BSN: variants seen among roughly 807,000 people sequenced by gnomAD.
The protein encoded by BSN is protein bassoon.
Under a neutral mutation model 264.8 loss-of-function variants are expected in BSN, and 57 were observed. The observed-to-expected ratio is 0.22, with a 90% CI of 0.17 to 0.27. The LOEUF (loss-of-function observed/expected upper bound fraction) is 0.27. BSN is among the 10% of genes least tolerant of loss of function. BSN has a pLI of 1.00. For missense variants in BSN, 4,615 were observed against 5,232.5 expected (o/e 0.88, Z 3.64); for synonymous variants, 2,059 against 2,137.3 (o/e 0.96, Z 1.01).
chr3:49,599,705 T>C (rs2052056686), intron 1 of BSN, among the ~76,000 whole-genome samples: 1 of 152,340 alleles, frequency 6.6e-6, no homozygotes, highest in South Asian at 2.1e-4. Flanking sequence ...TCTACTTAAG[T>C]TGTTTTATTG....
At position 49,654,760 on chromosome 3, in the gene BSN, C is replaced by A. The variant is rs181174378; in HGVS notation, c.5204C>A (p.Thr1735Asn). 19 of 1,613,718 alleles carry A rather than the reference C, an allele frequency of 1.2e-5. No individual in the cohort carries two copies. In the East Asian group the frequency reaches 2.5e-4, roughly 21 times the overall value. The change falls in exon 5 of 12, where the codon ACC becomes AAC. Residue 1735 changes from threonine (T) to asparagine (N), a missense_variant. Physicochemically the swap from Thr to Asn is moderately conservative, Grantham distance 65. This residue lies in a region of BSN where 3,415 missense variants were observed against 3,866.4 expected (regional missense o/e 0.88). Transcript: ENST00000296452. The surrounding 1 kb of genome is among the most constrained non-coding windows in gnomAD (Gnocchi z 4.1). ...FLATATTVSITMASSVFMAQQ... is the reference protein window; with the variant it reads ...FLATATTVSINMASSVFMAQQ... The stretch of plus-strand genomic sequence containing the variant: ...GCTACTGCCACCACCGTGAGCATCA[C>A]CATGGCCTCGTCTGTGTTCATGGCT...
chr3:49,583,479 T>C (rs1438908486), intron 1 of BSN, among the ~76,000 whole-genome samples: 1 of 152,160 alleles, frequency 6.6e-6, no homozygotes, highest in Non-Finnish European at 1.5e-5. Context: ...GCACAGTGGC[T>C]CATGCCTCTA....
intron 2 of BSN, among the ~76,000 whole-genome samples, chr3:49,627,940 T>C (rs1370222439): frequency 2.6e-5 from 4 of 152,218 alleles, no homozygotes; most frequent in African/African-American, 9.6e-5. Flanking sequence ...CTGGGTAGTA[T>C]GCCTGGAGCT....
At chr3:49,618,479 C>G (rs1421393965) in intron 1 of BSN, among the ~76,000 whole-genome samples, 1 of 152,166 alleles carries the variant, frequency 6.6e-6, no homozygotes, top group Non-Finnish European at 1.5e-5. Flanking sequence ...TGAAGAGACC[C>G]TAAACATTCC....
intron 1 of BSN, among the ~76,000 whole-genome samples, chr3:49,560,097 T>G (rs2051701102): frequency 6.6e-6 from 1 of 152,206 alleles, no homozygotes; most frequent in Admixed American, 6.5e-5. Flanking sequence ...GTCATGCCTT[T>G]CACCCCAGTG....
chr3:49,600,499 TG>T (rs1012517091), intron 1 of BSN, among the ~76,000 whole-genome samples: 23 of 152,038 alleles, frequency 1.5e-4, no homozygotes, highest in Admixed American at 7.2e-4. Context: ...CCAGGTGCAG[TG>T]GCTTATGCCT....
intron 1 of BSN, among the ~76,000 whole-genome samples, chr3:49,623,358 A>T (rs1368261554): frequency 6.6e-6 from 1 of 152,254 alleles, no homozygotes; most frequent in Non-Finnish European, 1.5e-5. Flanking sequence ...AGAGAATTTC[A>T]GGGAAGCAGT....
chr3:49,587,305 T>G (rs2051944217), intron 1 of BSN, among the ~76,000 whole-genome samples: 1 of 152,246 alleles, frequency 6.6e-6, no homozygotes. Flanking sequence ...CTAATAGTTT[T>G]CTTGTGGCAT....
intron 1 of BSN, among the ~76,000 whole-genome samples, chr3:49,595,181 G>T (rs181199250): frequency 1.3e-5 from 2 of 148,614 alleles, no homozygotes; most frequent in African/African-American, 5.0e-5. Flanking sequence ...GAGCCACTGC[G>T]CCTGGCCACA....
Position 49,661,710 on chromosome 3 carries a change from G to A in BSN, c.9865G>A (p.Glu3289Lys), listed in dbSNP as rs1223187390. The change falls in exon 6 of 12, where the codon GAG (glutamate) becomes AAG (lysine). Residue 3289 changes from glutamate to lysine, a missense_variant. Physicochemically the swap from Glu to Lys is moderately conservative, Grantham distance 56 (BLOSUM62 1). This residue lies in a region of BSN where 3,415 missense variants were observed against 3,866.4 expected (regional missense o/e 0.88). Transcript: ENST00000296452. The part of the protein sequence containing the change: ...TLPCCYARGE[E>K]ESEEDSYDPR... ...GCCCTGCTGCTATGCCAGAGGAGAA[G>A]AGGAATCTGAGGAGGACTCATACGA... The A allele has an allele frequency of 1.9e-6, 3 of 1,613,680 alleles. No individual in the cohort carries two copies. Among genetic ancestry groups the A allele is most frequent in the Non-Finnish European group, 2.5e-6 (3 of 1,180,044 alleles).
intron 2 of BSN, among the ~76,000 whole-genome samples, chr3:49,629,307 C>T (rs1208695549): frequency 6.6e-6 from 1 of 152,194 alleles, no homozygotes; most frequent in Non-Finnish European, 1.5e-5. Context: ...CATGTGGGCC[C>T]GCCACCCCTT....
chr3:49,656,171 A>G lies in BSN; in HGVS notation c.6615A>G (p.Thr2205=). ...YSTINTPIAA[T]LPITTQPASV... is the part of the protein sequence containing the mutation. Reference sequence around the variant, plus strand: ...CTATCAATACCCCAATTGCTGCAACACTGCCCATCACCACCCAGCCTGCCT... The same window carrying G: ...CTATCAATACCCCAATTGCTGCAACGCTGCCCATCACCACCCAGCCTGCCT... Residue 2205 remains threonine (T), a synonymous_variant, in exon 5 of 12, where the codon ACA becomes ACG. Coordinates refer to ENST00000296452, the MANE Select transcript of BSN (RefSeq NM_003458.4). The G allele has an allele frequency of 6.2e-7, 1 of 1,612,746 alleles. No individual in the cohort carries two copies. The highest frequency in any genetic ancestry group is 8.5e-7 in the Non-Finnish European group (1 of 1,179,776).
intron 1 of BSN, among the ~76,000 whole-genome samples, chr3:49,606,443 TACTC>T (rs2052153189): frequency 1.3e-5 from 2 of 149,292 alleles, no homozygotes; most frequent in African/African-American, 5.0e-5. Context: ...GCACCTATCA[TACTC>T]TGAATGAATT....
In BSN at chr3:49,662,930, G is replaced by A. The variant is rs1017713426; in HGVS notation, c.10772G>A (p.Arg3591His). 27 of 1,613,018 alleles carry A rather than the reference G, an allele frequency of 1.7e-5. No homozygotes were observed. Among genetic ancestry groups the A allele is most frequent in the East Asian group, 2.2e-5 (1 of 44,880 alleles). ...TGGTTTGATAAGCCCCGGGATGCCC[G>A]CTCTGACCGGTTCAGGCACCACGGG... is the stretch of plus-strand genomic sequence containing the variant. ...TDWFDKPRDA[R>H]SDRFRHHGGH... Residue 3591 changes from arginine (R) to histidine (H), a missense_variant, in exon 7 of 12, where the codon CGC becomes CAC. Around this residue, in one of 3 missense-constraint regions of BSN, gnomAD observed 3,415 missense variants for 3,866.4 expected, o/e 0.88. Coordinates refer to ENST00000296452, the MANE Select transcript of BSN (RefSeq NM_003458.4).
At chr3:49,632,006 C>T (rs1390197539) in intron 2 of BSN, among the ~76,000 whole-genome samples, 2 of 152,080 alleles carry the variant, frequency 1.3e-5, no homozygotes, top group Non-Finnish European at 2.9e-5. Context: ...GAATACGTAG[C>T]CCAGAAATAA....
intron 1 of BSN, among the ~76,000 whole-genome samples, chr3:49,574,926 C>T (rs938070035): frequency 6.6e-6 from 1 of 152,080 alleles, no homozygotes; most frequent in African/African-American, 2.4e-5. Context: ...GCATGAGCCA[C>T]CGCACCCAGC....
chr3:49,664,898 G>A (rs780636082), intron 10 of BSN, 45 bp downstream of exon 10: 121 of 1,467,898 alleles, frequency 8.2e-5, no homozygotes, highest in Non-Finnish European at 1.1e-4. Flanking sequence ...GGAAAGGCCC[G>A]AGGCACTGGG....
chr3:49,648,589 G>C lies in BSN; in HGVS notation c.1519-2023G>C, dbSNP rs191246202. On this transcript the variant is annotated intron_variant, in intron 3 of 11. Coordinates refer to ENST00000296452, the MANE Select transcript of BSN (RefSeq NM_003458.4). ...GGGGGCATGTGAGCTAGGGTTCCTG[G>C]ATCAGGCTCTGTGCTCTCCCATGTC... is the stretch of plus-strand genomic sequence containing the variant. Among the ~76,000 whole-genome samples the C allele has an allele frequency of 1.3e-4, 20 of 152,350 alleles. 1 individual carries two copies. Among genetic ancestry groups the C allele is most frequent in the Admixed American group, 1.2e-3 (19 of 15,306 alleles).
Position 49,664,526 on chromosome 3 carries a change from A to G in BSN, c.11712A>G (p.Ala3904=), listed in dbSNP as rs41290710. The G allele has an allele frequency of 7.1e-3, 11,377 of 1,609,776 alleles. 61 individuals carry two copies. Among genetic ancestry groups the G allele is most frequent in the South Asian group, 9.1e-3 (828 of 90,600 alleles). The change falls in exon 9 of 12, where the codon GCA becomes GCG. Residue 3904 remains alanine, a synonymous_variant. Transcript: ENST00000296452. ...TCTCCAAGATCCTCCCTGGCGGGGC[A>G]GCCGAGCAAGCTGGCAAACTGACGG... ...SVFSKILPGG[A]AEQAGKLTEA... is the part of the protein sequence containing the mutation.
Sources: allele counts gnomAD v4.1 joint callset (sites outside exome capture counted in the v4.1 genomes callset), GRCh38; gene constraint gnomAD v4.1.1; regional missense constraint gnomAD v4.1.1; non-coding constraint Gnocchi (gnomAD v3.1); transcripts MANE v1.5; gene names NCBI Gene and HGNC (gene_info 2026-07-23, HGNC 2026-07-21).